Variants in BATF observed in about 807,000 individuals in gnomAD.
BATF encodes basic leucine zipper ATF-like transcription factor, also known as basic leucine zipper transcriptional factor ATF-like.
BATF carries 5 observed loss-of-function variants against 13.7 expected under a neutral mutation model. The observed-to-expected ratio is 0.36, with a 90% confidence interval of 0.19 to 0.77. The LOEUF (loss-of-function observed/expected upper bound fraction) is 0.77. BATF is among the 30% of genes least tolerant of loss of function. BATF has a pLI of 0.51. For missense variants in BATF, 124 were observed against 163.0 expected, an observed-to-expected ratio of 0.76 and a Z score of 1.30; for synonymous variants, 72 against 67.5, an observed-to-expected ratio of 1.07 and a Z score of -0.33.
chr14:75,535,765 A>C (rs1315409398), intron 2 of BATF, among the ~76,000 whole-genome samples: 1 of 152,208 alleles, frequency 6.6e-6, no homozygotes, highest in Admixed American at 6.5e-5. Context: ...CAGGGAAACC[A>C]AGAAAGATGA....
rs754402071 is a variant in BATF, at chr14:75,544,562, C to CAGGAA, written c.169-1899_169-1898insGGAAA. Among the ~76,000 whole-genome samples, 6 of 33,020 alleles carry CAGGAA rather than the reference C, an allele frequency of 1.8e-4. 3 individuals are homozygous for CAGGAA. The highest frequency in any genetic ancestry group is 3.6e-4 in the Non-Finnish European group (6 of 16,458). 21.7% of individuals were successfully genotyped at this position (33,020 alleles called of 152,430 possible). A position where few individuals can be genotyped will look rare whatever the true frequency, so the allele number is the denominator to read the frequency against. On this transcript the variant is annotated intron_variant, in intron 2 of 2. Coordinates refer to ENST00000286639, the MANE Select transcript of BATF (RefSeq NM_006399.5). ...CCTGGGTGACAGAGTGAGACTGTCT[C>CAGGAA]AAAAAAAAAAAAAAAAAAAAAAAAA...
intron 2 of BATF, among the ~76,000 whole-genome samples, chr14:75,532,793 T>C (rs1041902497): frequency 1.3e-5 from 2 of 152,214 alleles, no homozygotes; most frequent in African/African-American, 4.8e-5. Context: ...GATACAGCAT[T>C]AAGTGAAAAA....
chr14:75,522,565 G>C lies in BATF; in HGVS notation c.-118G>C. On this transcript the variant is annotated 5_prime_UTR_variant, in exon 1 of 3. Transcript: ENST00000286639. ...GGTGGCTACAGGGCAGGCAGAGGAGGCACCTGTAGGGGGTGGTGGGCTGGT... is the reference window on the plus strand; with the variant it reads ...GGTGGCTACAGGGCAGGCAGAGGAGCCACCTGTAGGGGGTGGTGGGCTGGT... 8.9e-7 allele frequency: 1 copy of C among 1,124,928 alleles called. No homozygotes were observed. Among genetic ancestry groups the C allele is most frequent in the Non-Finnish European group, 1.3e-6 (1 of 753,090 alleles). 69.7% of individuals were successfully genotyped at this position (1,124,928 alleles called of 1,614,324 possible).
intron 2 of BATF, among the ~76,000 whole-genome samples, chr14:75,543,060 G>A (rs925834271): frequency 6.6e-6 from 1 of 152,294 alleles, no homozygotes; most frequent in South Asian, 2.1e-4. Context: ...CAGAGGGGGC[G>A]AAGAAAAGGG....
intron 2 of BATF, 131 bp downstream of exon 2, chr14:75,525,319 AG>A (rs1887635106): frequency 1.1e-6 from 1 of 925,874 alleles, no homozygotes; most frequent in East Asian, 2.7e-5. Flanking sequence ...GTGGAGGGTG[AG>A]GGCCGTGGGG....
intron 1 of BATF, among the ~76,000 whole-genome samples, chr14:75,524,825 G>T (rs1341268504): frequency 6.7e-5 from 10 of 150,172 alleles, no homozygotes; most frequent in Non-Finnish European, 1.0e-4. Flanking sequence ...GCCAAATACA[G>T]CTCTATTGAG....
chr14:75,545,151 G>A (rs1486109001), intron 2 of BATF, among the ~76,000 whole-genome samples: 1 of 152,116 alleles, frequency 6.6e-6, no homozygotes, highest in East Asian at 1.9e-4. Context: ...ATGCTTTCTG[G>A]TAGGCCGGAC....
chr14:75,528,456 GAC>G, intron 2 of BATF, among the ~76,000 whole-genome samples: 1 of 152,174 alleles, frequency 6.6e-6, no homozygotes. Flanking sequence ...TTTAAAAATT[GAC>G]AGAGTAGGGA....
At chr14:75,541,852 C>T (rs1428029885) in intron 2 of BATF, among the ~76,000 whole-genome samples, 2 of 152,154 alleles carry the variant, frequency 1.3e-5, no homozygotes, top group African/African-American at 2.4e-5. Context: ...TTTGTAGAGA[C>T]AGGGCTTCAC....
At chr14:75,530,029 A>G (rs1595004256) in intron 2 of BATF, among the ~76,000 whole-genome samples, 1 of 146,726 alleles carries the variant, frequency 6.8e-6, no homozygotes. Context: ...GCGCCACTGC[A>G]CTCCAGCCTG....
At chr14:75,541,720 A>G (rs912690205) in intron 2 of BATF, among the ~76,000 whole-genome samples, 4 of 152,154 alleles carry the variant, frequency 2.6e-5, no homozygotes, top group African/African-American at 9.7e-5. Context: ...CTGAACTACA[A>G]TGGTAAAATC....
chr14:75,529,384 A>G (rs997715896), intron 2 of BATF, among the ~76,000 whole-genome samples: 19 of 152,274 alleles, frequency 1.2e-4, no homozygotes, highest in African/African-American at 4.6e-4. Context: ...TTGTAATCCT[A>G]GCACTTTGGG....
chr14:75,543,813 A>C (rs1254870978), intron 2 of BATF, among the ~76,000 whole-genome samples: 8 of 151,720 alleles, frequency 5.3e-5, no homozygotes, highest in African/African-American at 1.9e-4. Context: ...CCTGGGAGAC[A>C]GAGCAAGACT....
chr14:75,545,779 C>T (rs895539156), intron 2 of BATF, among the ~76,000 whole-genome samples: 6 of 152,120 alleles, frequency 3.9e-5, no homozygotes, highest in African/African-American at 2.4e-5. Flanking sequence ...CCCACACACC[C>T]TCACAGAGAC....
chr14:75,544,337 G>T (rs1367607761), intron 2 of BATF, among the ~76,000 whole-genome samples: 1 of 151,826 alleles, frequency 6.6e-6, no homozygotes, highest in Non-Finnish European at 1.5e-5. Flanking sequence ...GACCAAGGTG[G>T]GCAGATCCCC....
intron 2 of BATF, among the ~76,000 whole-genome samples, chr14:75,526,630 C>T (rs924700894): frequency 2.6e-5 from 4 of 152,210 alleles, no homozygotes; most frequent in Admixed American, 2.6e-4. Context: ...CCATTGCACA[C>T]TAACATTAAA....
At chr14:75,526,597 T>C (rs1162582957) in intron 2 of BATF, among the ~76,000 whole-genome samples, 1 of 152,244 alleles carries the variant, frequency 6.6e-6, no homozygotes, top group African/African-American at 2.4e-5. Flanking sequence ...TGGGTTTTAT[T>C]TGAAATGTAT....
intron 2 of BATF, among the ~76,000 whole-genome samples, chr14:75,528,012 C>T (rs1352900431): frequency 6.6e-6 from 1 of 152,240 alleles, no homozygotes; most frequent in African/African-American, 2.4e-5. Flanking sequence ...TCCGAGATGA[C>T]AATCACCTAT....
chr14:75,527,309 A>T (rs574021462), intron 2 of BATF, among the ~76,000 whole-genome samples: 1 of 152,280 alleles, frequency 6.6e-6, no homozygotes, highest in South Asian at 2.1e-4. Flanking sequence ...TTAATCACAG[A>T]AGCTCAGGGT....
Sources: gnomAD v4.1 joint callset for allele counts (sites outside exome capture counted in the v4.1 genomes callset) on GRCh38, gnomAD v4.1.1 for gene constraint, MANE v1.5 for transcripts, NCBI Gene and HGNC (gene_info 2026-07-23, HGNC 2026-07-21) for gene names.